Variants in TLR5 observed in about 807,000 individuals in gnomAD.
TLR5 encodes the protein toll-like receptor 5.
For synonymous variants in TLR5, 373 were observed against 384.4 expected (o/e 0.97, Z 0.35); for missense variants, 944 against 999.8 (o/e 0.94, Z 0.75).
intron 5 of TLR5, among the ~76,000 whole-genome samples, chr1:223,116,999 G>A (rs945677401): frequency 6.6e-6 from 1 of 152,174 alleles, no homozygotes; most frequent in Non-Finnish European, 1.5e-5. Context: ...GGGACCGGGC[G>A]CCGTGGAGCA....
intron 5 of TLR5, among the ~76,000 whole-genome samples, chr1:223,119,777 T>C (rs958307766): frequency 1.3e-5 from 2 of 151,144 alleles, no homozygotes; most frequent in Admixed American, 6.6e-5. Context: ...TTGGCTGATA[T>C]GGTGGAACCC....
chr1:223,111,317 C>T lies in TLR5; in HGVS notation c.1715G>A (p.Ser572Asn), dbSNP rs758505348. The change falls in exon 6 of 6, where the codon AGT (serine) becomes AAT (asparagine). Residue 572 changes from serine to asparagine, a missense_variant. Ser to Asn is a conservative substitution (Grantham distance 46). Transcript: ENST00000642603. ...APNPDVFVSL[S>N]VLDITHNKFI... is the part of the protein sequence containing the mutation. ...CTTGTTATGAGTTATATCCAAGACA[C>T]TAAGTGATACAAATACATCAGGATT... 6.2e-7 allele frequency: 1 copy of T among 1,614,158 alleles called. No homozygotes were observed. The highest frequency in any genetic ancestry group is 1.1e-5 in the South Asian group (1 of 91,076).
At chr1:223,129,463 A>G (rs1657312620) in intron 5 of TLR5, 1 of 152,254 alleles carries the variant, frequency 6.6e-6, no homozygotes, top group Non-Finnish European at 1.5e-5. Context: ...ACCGACCCGG[A>G]GCGCGCTGCT....
intron 1 of TLR5, 55 bp from the exon 2 acceptor site, chr1:223,141,818 T>TAGAGAGAG (rs1558137163): frequency 2.3e-5 from 1 of 43,288 alleles, no homozygotes; most frequent in African/African-American, 9.7e-5. Context: ...TATATATATA[T>TAGAGAGAG]ATATAGAGAG....
In TLR5 at chr1:223,134,675, T is replaced by A. The variant is rs55759516; in HGVS notation, c.-170+7A>T. 1.3e-5 allele frequency: 2 copies of A among 152,264 alleles called. No individual in the cohort carries two copies. The highest frequency in any genetic ancestry group is 4.2e-4 in the South Asian group (2 of 4,816). 9.4% of individuals were successfully genotyped at this position (152,264 alleles called of 1,614,324 possible). A position where few individuals can be genotyped will look rare whatever the true frequency, so the allele number is the denominator to read the frequency against. ...AGGTGGCTCGCCCAGAAAGTGAACA[T>A]CCCTACCTGTCTCCAGGTTCGGACA... On this transcript the variant is annotated splice_region_variant and intron_variant, in intron 4 of 5. Transcript: ENST00000642603.
chr1:223,117,927 C>T (rs187791438), intron 5 of TLR5, among the ~76,000 whole-genome samples: 67 of 152,304 alleles, frequency 4.4e-4, no homozygotes, highest in African/African-American at 1.5e-3. Context: ...AGGCACTGGC[C>T]ATCATGAAGT....
intron 5 of TLR5, among the ~76,000 whole-genome samples, chr1:223,132,098 C>G (rs1350599436): frequency 1.3e-5 from 2 of 152,052 alleles, no homozygotes; most frequent in African/African-American, 4.8e-5. Flanking sequence ...CATGGTGGCT[C>G]ATGCCTGTAA....
intron 2 of TLR5, among the ~76,000 whole-genome samples, chr1:223,139,613 C>G (rs951751362): frequency 6.6e-6 from 1 of 152,086 alleles, no homozygotes; most frequent in Non-Finnish European, 1.5e-5. Flanking sequence ...GGGGAGCTAC[C>G]TGGGGCTGCA....
chr1:223,110,108 A>G lies in TLR5; in HGVS notation c.*347T>C. On this transcript the variant is annotated 3_prime_UTR_variant, in exon 6 of 6. Coordinates refer to ENST00000642603, the MANE Select transcript of TLR5 (RefSeq NM_003268.6). ...CCATTTTTTAGCTGAATGCTAGAGA[A>G]AGCACGTCAGCCATCTGCAACTTCT... 3.1e-6 allele frequency: 1 copy of G among 319,680 alleles called. No individual in the cohort carries two copies. The highest frequency in any genetic ancestry group is 2.2e-5 in the African/African-American group (1 of 46,138). 19.8% of individuals were successfully genotyped at this position (319,680 alleles called of 1,614,324 possible). A position where few individuals can be genotyped will look rare whatever the true frequency, so the allele number is the denominator to read the frequency against.
chr1:223,116,108 C>T (rs567694165), intron 5 of TLR5, among the ~76,000 whole-genome samples: 52 of 152,304 alleles, frequency 3.4e-4, no homozygotes, highest in South Asian at 1.4e-3. Context: ...ATCTTATTTC[C>T]ATCAAAGCAA....
At position 223,111,262 on chromosome 1, in the gene TLR5, A is replaced by G. The variant is rs1041720227; in HGVS notation, c.1770T>C (p.Phe590=). The G allele has an allele frequency of 2.5e-6, 4 of 1,614,086 alleles. No individual in the cohort carries two copies. The highest frequency in any genetic ancestry group is 3.4e-6 in the Non-Finnish European group (4 of 1,180,046). Residue 590 remains phenylalanine (F), a synonymous_variant, in exon 6 of 6, where the codon TTT becomes TTC. Transcript: ENST00000642603. ...KFICECELST[F]INWLNHTNVT... Reference sequence around the variant, plus strand: ...CATTGGTGTGATTAAGCCAATTGATAAAAGTGCTAAGTTCACATTCACAAA... The same window carrying G: ...CATTGGTGTGATTAAGCCAATTGATGAAAGTGCTAAGTTCACATTCACAAA...
chr1:223,124,447 C>A (rs201166234), intron 5 of TLR5, among the ~76,000 whole-genome samples: 269 of 141,470 alleles, frequency 1.9e-3, no homozygotes, highest in Middle Eastern at 7.1e-3. Flanking sequence ...CCGTCTAAAA[C>A]AAAAAAAAAA....
intron 5 of TLR5, among the ~76,000 whole-genome samples, chr1:223,124,653 C>T (rs938847397): frequency 2.0e-5 from 3 of 152,148 alleles, no homozygotes; most frequent in African/African-American, 7.2e-5. Context: ...CAATCTGTCA[C>T]CCAGGCTGGA....
chr1:223,133,717 A>G (rs1469408435), intron 4 of TLR5, among the ~76,000 whole-genome samples: 1 of 152,224 alleles, frequency 6.6e-6, no homozygotes, highest in Non-Finnish European at 1.5e-5. Context: ...ACCTCAAAGA[A>G]GATTCATGTG....
In TLR5 at chr1:223,111,811, A is replaced by G; in HGVS notation, c.1221T>C (p.Asp407=). The change falls in exon 6 of 6, where the codon GAT becomes GAC. Residue 407 remains aspartate, a synonymous_variant. Transcript: ENST00000642603. Reference sequence around the variant, plus strand: ...CTAGTTTATTGCCACTCAAGAAGATATCGGGTATGCTTGGAATAAAATGAA... The same window carrying G: ...CTAGTTTATTGCCACTCAAGAAGATGTCGGGTATGCTTGGAATAAAATGAA... ...TTIHFIPSIP[D]IFLSGNKLVT... 6.2e-7 allele frequency: 1 copy of G among 1,614,224 alleles called. No homozygotes were observed. The highest frequency in any genetic ancestry group is 8.5e-7 in the Non-Finnish European group (1 of 1,180,042).
At chr1:223,127,737 T>A (rs913635480) in intron 5 of TLR5, 2 of 152,278 alleles carry the variant, frequency 1.3e-5, no homozygotes, top group Admixed American at 6.5e-5. Flanking sequence ...TTTTCATTCA[T>A]CACTACCTCT....
chr1:223,110,715 T>C lies in TLR5; in HGVS notation c.2317A>G (p.Ser773Gly). 6.2e-7 allele frequency: 1 copy of C among 1,614,158 alleles called. No homozygotes were observed. Among genetic ancestry groups the C allele is most frequent in the Non-Finnish European group, 8.5e-7 (1 of 1,180,026 alleles). ...GATAAGCACCTGCCCTGGGCATAAC[T>C]GAAGGCTTCAAGGCACCAGCCATCT... The part of the protein sequence containing the change: ...LRDGWCLEAF[S>G]YAQGRCLSDL... Residue 773 changes from serine to glycine, a missense_variant, in exon 6 of 6, where the codon AGT becomes GGT. Transcript: ENST00000642603.
intron 5 of TLR5, among the ~76,000 whole-genome samples, chr1:223,123,083 A>G (rs1657016077): frequency 6.6e-6 from 1 of 152,210 alleles, no homozygotes; most frequent in South Asian, 2.1e-4. Context: ...ATATGTTCCA[A>G]TATTGAACTA....
Position 223,112,223 on chromosome 1 carries a change from C to T in TLR5, c.809G>A (p.Gly270Asp), listed in dbSNP as rs1017441677. ...GTCAGGATCTTTGATGTTATGGAAGCCAAACCCGGCACCCATGATGTGGTG... is the reference window on the plus strand; with the variant it reads ...GTCAGGATCTTTGATGTTATGGAAGTCAAACCCGGCACCCATGATGTGGTG... ...LAHHIMGAGF[G>D]FHNIKDPDQN... is the part of the protein sequence containing the mutation. The change falls in exon 6 of 6, where the codon GGC (glycine) becomes GAC (aspartate). Residue 270 changes from glycine to aspartate, a missense_variant. By Grantham distance (94) the Gly-to-Asp change is moderately conservative. Transcript: ENST00000642603. The T allele has an allele frequency of 1.2e-6, 2 of 1,614,032 alleles. No individual in the cohort carries two copies. The highest frequency in any genetic ancestry group is 2.7e-5 in the African/African-American group (2 of 74,918).
Sources: allele counts gnomAD v4.1 joint callset (sites outside exome capture counted in the v4.1 genomes callset), GRCh38; gene constraint gnomAD v4.1.1; transcripts MANE v1.5; gene names NCBI Gene and HGNC (gene_info 2026-07-23, HGNC 2026-07-21).